GRIK4: variants seen among roughly 807,000 people sequenced by gnomAD.
GRIK4 encodes the protein glutamate receptor ionotropic, kainate 4.
A neutral mutation model predicts 104.9 loss-of-function variants in GRIK4; 40 were observed. That is an observed-to-expected ratio of 0.38 (90% CI 0.30 to 0.50). The LOEUF (loss-of-function observed/expected upper bound fraction) is 0.50. Ranked by LOEUF, GRIK4 falls within the 20% of genes least tolerant of loss-of-function variation. GRIK4 has a pLI of 0.93. For missense variants in GRIK4, 1,047 were observed against 1,308.1 expected (o/e 0.80, Z 3.08); for synonymous variants, 485 against 524.9 (o/e 0.92, Z 1.04).
chr11:120,917,289 GAAAGAAA>G (rs1245904909), intron 13 of GRIK4, among the ~76,000 whole-genome samples: 8 of 120,734 alleles, frequency 6.6e-5, no homozygotes, highest in African/African-American at 1.9e-4. Flanking sequence ...AAGAAAGAAA[GAAAGAAA>G]AAAGAAAGAA....
intron 1 of GRIK4, among the ~76,000 whole-genome samples, chr11:120,589,423 G>T (rs1454975477): frequency 8.5e-5 from 13 of 152,182 alleles, no homozygotes; most frequent in Non-Finnish European, 1.9e-4. Context: ...GGGCTTGACA[G>T]ATTGGATACA....
intron 3 of GRIK4, among the ~76,000 whole-genome samples, chr11:120,670,349 C>T (rs1244915618): frequency 1.3e-5 from 2 of 152,212 alleles, no homozygotes; most frequent in Non-Finnish European, 2.9e-5. Flanking sequence ...TGCTCCAGTC[C>T]TCTGCTGACT....
intron 3 of GRIK4, among the ~76,000 whole-genome samples, chr11:120,709,931 T>G (rs552359592): frequency 6.6e-6 from 1 of 152,198 alleles, no homozygotes; most frequent in Non-Finnish European, 1.5e-5. Flanking sequence ...AATACATCAC[T>G]GTCTGCATCA....
intron 1 of GRIK4, among the ~76,000 whole-genome samples, chr11:120,640,671 C>T (rs1424194334): frequency 6.6e-6 from 1 of 152,076 alleles, no homozygotes; most frequent in Non-Finnish European, 1.5e-5. Flanking sequence ...GCCTTCTTTA[C>T]ATGTTGTGCA....
chr11:120,626,954 A>T (rs952677574), intron 1 of GRIK4, among the ~76,000 whole-genome samples: 13 of 152,220 alleles, frequency 8.5e-5, no homozygotes, highest in African/African-American at 3.1e-4. Flanking sequence ...TGGTCAGCAC[A>T]CCGGTTCCTT....
intron 3 of GRIK4, among the ~76,000 whole-genome samples, chr11:120,739,645 CT>C (rs1343192198): frequency 6.6e-6 from 1 of 152,206 alleles, no homozygotes; most frequent in Non-Finnish European, 1.5e-5. Context: ...GTTTAGACAT[CT>C]CTTATTTCAA....
chr11:120,907,536 A>G (rs553976001), intron 13 of GRIK4, among the ~76,000 whole-genome samples: 2 of 152,330 alleles, frequency 1.3e-5, no homozygotes, highest in East Asian at 3.9e-4. Context: ...CATTAATTCA[A>G]TAAATATTTA....
At chr11:120,523,699 T>C (rs898497099) in intron 1 of GRIK4, among the ~76,000 whole-genome samples, 1 of 152,172 alleles carries the variant, frequency 6.6e-6, no homozygotes, top group Non-Finnish European at 1.5e-5. Context: ...CGGGTCTGCC[T>C]TCGTCTCTTT....
At chr11:120,845,310 C>T (rs10892629) in intron 8 of GRIK4, among the ~76,000 whole-genome samples, 26,535 of 152,142 alleles carry the variant, frequency 0.17, 2,413 homozygotes, top group Middle Eastern at 0.24. Flanking sequence ...GTTGGCCTAT[C>T]AGTTTTCCCT....
intron 3 of GRIK4, among the ~76,000 whole-genome samples, chr11:120,801,370 C>T (rs1470986440): frequency 2.6e-5 from 4 of 152,256 alleles, no homozygotes; most frequent in Admixed American, 6.5e-5. Context: ...GGATTACAGA[C>T]GTCATGCCAC....
intron 3 of GRIK4, among the ~76,000 whole-genome samples, chr11:120,755,662 TAAA>T (rs911624016): frequency 2.7e-5 from 4 of 150,650 alleles, no homozygotes; most frequent in African/African-American, 7.3e-5. Flanking sequence ...ATAATAATAA[TAAA>T]AATAATTTAC....
intron 1 of GRIK4, chr11:120,575,681 A>T (rs1353040607): frequency 6.6e-6 from 1 of 151,942 alleles, no homozygotes; most frequent in Non-Finnish European, 1.5e-5. Flanking sequence ...ACCACAGGTC[A>T]CTCTGACTTC....
chr11:120,702,555 G>A (rs1258518225), intron 3 of GRIK4, among the ~76,000 whole-genome samples: 4 of 152,194 alleles, frequency 2.6e-5, no homozygotes, highest in Non-Finnish European at 5.9e-5. Flanking sequence ...GAGCTCGGGG[G>A]TGCTTTGAAC....
chr11:120,787,452 ATTTAT>A (rs574273961), intron 3 of GRIK4, among the ~76,000 whole-genome samples: 2 of 147,048 alleles, frequency 1.4e-5, no homozygotes, highest in East Asian at 2.0e-4. Flanking sequence ...ATTTTATTTT[ATTTAT>A]TTTATTTTAT....
intron 1 of GRIK4, among the ~76,000 whole-genome samples, chr11:120,558,635 T>G (rs910703869): frequency 2.6e-5 from 4 of 152,168 alleles, no homozygotes; most frequent in Non-Finnish European, 5.9e-5. Context: ...CTCACAGATG[T>G]GTTCAGTTCT....
chr11:120,658,983 C>G (rs568155702), intron 2 of GRIK4, among the ~76,000 whole-genome samples: 1 of 151,970 alleles, frequency 6.6e-6, no homozygotes, highest in Non-Finnish European at 1.5e-5. Context: ...CTTCTGACTT[C>G]GTGATCCACC....
At chr11:120,535,663 A>G (rs1334925685) in intron 1 of GRIK4, among the ~76,000 whole-genome samples, 2 of 152,232 alleles carry the variant, frequency 1.3e-5, no homozygotes, top group African/African-American at 4.8e-5. Flanking sequence ...TGTAGCGAGG[A>G]TTAAATGAGT....
At chr11:120,966,515 G>A (rs1944386521) in intron 18 of GRIK4, among the ~76,000 whole-genome samples, 1 of 152,144 alleles carries the variant, frequency 6.6e-6, no homozygotes, top group South Asian at 2.1e-4. Context: ...GGGGCTACAG[G>A]TGCGCACCAT....
At chr11:120,847,928 T>G (rs898798310) in intron 8 of GRIK4, among the ~76,000 whole-genome samples, 3 of 152,162 alleles carry the variant, frequency 2.0e-5, no homozygotes, top group Admixed American at 2.0e-4. Flanking sequence ...AAAAAGAGAA[T>G]GGAAACCAGA....
Sources: allele counts gnomAD v4.1 joint callset (sites outside exome capture counted in the v4.1 genomes callset), GRCh38; gene constraint gnomAD v4.1.1; transcripts MANE v1.5; gene names NCBI Gene and HGNC (gene_info 2026-07-23, HGNC 2026-07-21).